The following ICE1 variants were observed in gnomAD, a reference collection of about 807,000 sequenced individuals.
The protein encoded by ICE1 is little elongation complex subunit 1.
In ICE1, 64 loss-of-function variants were observed where a neutral mutation model predicts 192.7. The ratio of observed to expected loss-of-function variants is 0.33; its 90% CI spans 0.27 to 0.41. The LOEUF (loss-of-function observed/expected upper bound fraction) is 0.41. Among genes scored for constraint, ICE1 ranks in the 10% least tolerant of loss-of-function variants. The probability of loss-of-function intolerance (pLI) is 1.00; values close to 1 mark genes in which losing one functional copy is unlikely to be tolerated. For missense variants in ICE1, 2,708 were observed against 2,696.0 expected (o/e 1.00, Z -0.10); for synonymous variants, 1,010 against 984.5 (o/e 1.03, Z -0.49).
At chr5:5,480,925 A>G (rs1362717919) in intron 17 of ICE1, among the ~76,000 whole-genome samples, 1 of 152,220 alleles carries the variant, frequency 6.6e-6, no homozygotes, top group Non-Finnish European at 1.5e-5. Context: ...TGGAAATGAA[A>G]CTATGCCATG....
At chr5:5,455,096 C>G (rs1655438675) in intron 11 of ICE1, among the ~76,000 whole-genome samples, 1 of 152,192 alleles carries the variant, frequency 6.6e-6, no homozygotes, top group South Asian at 2.1e-4. Flanking sequence ...AGAAGGGGAG[C>G]AGATAGCTGT....
chr5:5,429,699 C>G (rs1737639961), intron 1 of ICE1, among the ~76,000 whole-genome samples: 1 of 152,214 alleles, frequency 6.6e-6, no homozygotes, highest in African/African-American at 2.4e-5. Flanking sequence ...TGTCTTCTGT[C>G]ATGTCCTCTC....
rs1252549388 is a variant in ICE1, at chr5:5,436,608, A to AT, written c.143+134dup. Reference sequence around the variant, plus strand: ...TCCTTTGGAGGCCTGCATGGTACTGATTATAATTCCCCGTGAGCTTTGGGA... The same window carrying AT: ...TCCTTTGGAGGCCTGCATGGTACTGATTTATAATTCCCCGTGAGCTTTGGGA... On this transcript the variant is annotated intron_variant, in intron 2 of 18. Transcript: ENST00000296564. The AT allele has an allele frequency of 6.3e-6, 3 of 478,008 alleles. No individual in the cohort carries two copies. The Admixed American group carries it at 1.2e-4, about 20-fold the overall frequency. 29.6% of individuals were successfully genotyped at this position (478,008 alleles called of 1,614,324 possible).
rs190912725 is a variant in ICE1, at chr5:5,424,438, T to C, written c.84+1439T>C. On this transcript the variant is annotated intron_variant, in intron 1 of 18. Transcript: ENST00000296564. Reference sequence around the variant, plus strand: ...GAGTTCTCCCGAATCTTTAATACATTGTATTTATTATTCGAGCCAATTCAC... The same window carrying C: ...GAGTTCTCCCGAATCTTTAATACATCGTATTTATTATTCGAGCCAATTCAC... 3.3e-5 allele frequency among the ~76,000 whole-genome samples: 5 copies of C among 151,998 alleles called. No homozygotes were observed. The East Asian group carries it at 5.8e-4, about 18-fold the overall frequency.
Position 5,454,602 on chromosome 5 carries a change from C to T in ICE1, c.655C>T (p.His219Tyr). ...ACTCTGGCTCTGTGTAAACACAACACACAGACTACCTGGTGAAGGCAGCAG... is the reference window on the plus strand; with the variant it reads ...ACTCTGGCTCTGTGTAAACACAACATACAGACTACCTGGTGAAGGCAGCAG... ...KELWLCVNTT[H>Y]RLPGEGSRCV... The change falls in exon 11 of 19, where the codon CAC becomes TAC. Residue 219 changes from histidine (H) to tyrosine (Y), a missense_variant. By Grantham distance (83) the His-to-Tyr change is moderately conservative. This residue lies in a region of ICE1 where 2,366 missense variants were observed against 2,276.6 expected (regional missense o/e 1.04). Transcript: ENST00000296564. The T allele has an allele frequency of 6.2e-7, 1 of 1,613,580 alleles. No homozygotes were observed. Among genetic ancestry groups the T allele is most frequent in the African/African-American group, 1.3e-5 (1 of 75,020 alleles).
rs1273232637 is a variant in ICE1 at position 5,463,954 on chromosome 5, ATAT to A, written c.4624_4626del (p.Tyr1542del). ...CTCAGATTGTTGCGTCTGATCACACATATTATAACTCAAAACTAGAGCCATCTG... is the reference window on the plus strand; with the variant it reads ...CTCAGATTGTTGCGTCTGATCACACATATAACTCAAAACTAGAGCCATCTG... On this transcript the variant is annotated inframe_deletion, in exon 13 of 19. Coordinates refer to ENST00000296564, the MANE Select transcript of ICE1 (RefSeq NM_015325.3). 6.2e-7 allele frequency: 1 copy of A among 1,613,968 alleles called. No individual in the cohort carries two copies. The highest frequency in any genetic ancestry group is 8.5e-7 in the Non-Finnish European group (1 of 1,179,856).
chr5:5,466,567 GTCTATATTTTCAGC>G lies in ICE1; in HGVS notation c.6061+69_6061+82del, dbSNP rs1279850636. 3.0e-6 allele frequency: 4 copies of G among 1,326,686 alleles called. No individual in the cohort carries two copies. The East Asian group carries it at 9.7e-5, about 32-fold the overall frequency. The allele number at this position is 1,326,686 out of a possible 1,614,324, so 82.2% of individuals were successfully genotyped here. A position where few individuals can be genotyped will look rare whatever the true frequency, so the allele number is the denominator to read the frequency against. On this transcript the variant is annotated intron_variant, in intron 14 of 18. Coordinates refer to ENST00000296564, the MANE Select transcript of ICE1 (RefSeq NM_015325.3). ...GATTGCCTTTTTCCCTTATACTGGA[GTCTATATTTTCAGC>G]TCTGATTACTGTGTGTCTTTTAAAA...
Position 5,462,322 on chromosome 5 carries a change from G to A in ICE1, c.2988G>A (p.Gly996=). Residue 996 remains glycine, a synonymous_variant, in exon 13 of 19, where the codon GGG becomes GGA. Transcript: ENST00000296564. The stretch of plus-strand genomic sequence containing the variant: ...AGGCCACAGATCTGGACTCCAGTGG[G>A]ACACATGGCAGTGAGATGCTTCCAG... ...QPQATDLDSS[G]THGSEMLPAT... The A allele has an allele frequency of 6.2e-7, 1 of 1,613,990 alleles. No individual in the cohort carries two copies.
chr5:5,455,088 A>G (rs1738545966), intron 11 of ICE1, among the ~76,000 whole-genome samples: 1 of 152,200 alleles, frequency 6.6e-6, no homozygotes, highest in Admixed American at 6.5e-5. Flanking sequence ...TCCTGAGTAG[A>G]AGGGGAGCAG....
intron 8 of ICE1, 28 bp from the exon 9 acceptor site, chr5:5,447,693 A>C (rs1738276598): frequency 6.5e-7 from 1 of 1,549,342 alleles, no homozygotes; most frequent in Non-Finnish European, 8.8e-7. Flanking sequence ...TATTCAGCAT[A>C]AACACTATTA....
At chr5:5,423,269 G>C (rs1334847124) in intron 1 of ICE1, among the ~76,000 whole-genome samples, 1 of 152,128 alleles carries the variant, frequency 6.6e-6, no homozygotes, top group Non-Finnish European at 1.5e-5. Context: ...GAGGTTTGGA[G>C]GGCCCCCCAC....
intron 4 of ICE1, among the ~76,000 whole-genome samples, chr5:5,440,230 TTAATG>T (rs1737999690): frequency 6.6e-6 from 1 of 152,242 alleles, no homozygotes; most frequent in African/African-American, 2.4e-5. Context: ...GGTTCACACT[TTAATG>T]TGGTGGTTTA....
intron 1 of ICE1, among the ~76,000 whole-genome samples, chr5:5,427,694 G>GTT (rs1483518469): frequency 6.6e-6 from 1 of 152,138 alleles, no homozygotes; most frequent in East Asian, 1.9e-4. Flanking sequence ...TTTAGAAATG[G>GTT]TTCTTTTACA....
At chr5:5,487,228 T>C (rs1266298879) in intron 18 of ICE1, among the ~76,000 whole-genome samples, 1 of 152,142 alleles carries the variant, frequency 6.6e-6, no homozygotes, top group Non-Finnish European at 1.5e-5. Flanking sequence ...CACAGAGTAC[T>C]TAGCATCAAG....
chr5:5,448,179 T>C (rs891290268), intron 10 of ICE1, among the ~76,000 whole-genome samples: 2 of 152,092 alleles, frequency 1.3e-5, no homozygotes, highest in Non-Finnish European at 2.9e-5. Context: ...TGAATACAGA[T>C]TTTTTTCTCT....
At position 5,489,314 on chromosome 5, in the gene ICE1, C is replaced by G; in HGVS notation, c.6785C>G (p.Thr2262Arg). ...SCLEEVSALS[T>R]EELG Reference sequence around the variant, plus strand: ...CTAGAGGAAGTCAGTGCCCTGAGCACAGAGGAGCTTGGCTGACCTGGGATG... The same window carrying G: ...CTAGAGGAAGTCAGTGCCCTGAGCAGAGAGGAGCTTGGCTGACCTGGGATG... Residue 2262 changes from threonine to arginine, a missense_variant, in exon 19 of 19, where the codon ACA becomes AGA. Transcript: ENST00000296564. 1 of 1,610,434 alleles carries G rather than the reference C, an allele frequency of 6.2e-7. No individual in the cohort carries two copies. The highest frequency in any genetic ancestry group is 8.5e-7 in the Non-Finnish European group (1 of 1,178,532).
intron 15 of ICE1, among the ~76,000 whole-genome samples, chr5:5,470,775 C>G (rs1390702282): frequency 6.6e-6 from 1 of 152,000 alleles, no homozygotes; most frequent in Non-Finnish European, 1.5e-5. Flanking sequence ...AAAAAAAATT[C>G]AAAATATTTA....
At chr5:5,427,814 G>T (rs929118458) in intron 1 of ICE1, among the ~76,000 whole-genome samples, 1 of 152,144 alleles carries the variant, frequency 6.6e-6, no homozygotes, top group Admixed American at 6.5e-5. Flanking sequence ...AACAGAAGAG[G>T]CATGGAGCTC....
rs1739228280 is a variant in ICE1, at chr5:5,473,594, C to T, written c.6259C>T (p.Leu2087=). 2 of 1,611,884 alleles carry T rather than the reference C, an allele frequency of 1.2e-6. No individual in the cohort carries two copies. Among genetic ancestry groups the T allele is most frequent in the African/African-American group, 2.7e-5 (2 of 74,828 alleles). Residue 2087 remains leucine (L), a synonymous_variant, in exon 16 of 19, where the codon CTG becomes TTG. Transcript: ENST00000296564. ...AGATGTTGGCTTCATGGTTTCTAAG[C>T]TGCTTTTGACCATACAGTTATGTCC... ...PVDVGFMVSK[L]LLTIQLCPKT... is the part of the protein sequence containing the mutation.
Sources: gnomAD v4.1 joint callset for allele counts (sites outside exome capture counted in the v4.1 genomes callset) on GRCh38, gnomAD v4.1.1 for gene constraint, gnomAD v4.1.1 regional missense constraint, MANE v1.5 for transcripts, NCBI Gene and HGNC (gene_info 2026-07-23, HGNC 2026-07-21) for gene names.